Variants in RYR2 observed in about 807,000 individuals in gnomAD.
RYR2 encodes the protein cardiac muscle ryanodine receptor-calcium release channel.
In RYR2, 227 loss-of-function variants were observed where a neutral mutation model predicts 601.1. The observed-to-expected ratio is 0.38, with a 90% CI of 0.34 to 0.42. The LOEUF (loss-of-function observed/expected upper bound fraction) is 0.42, where lower values mean the gene tolerates loss of function less well. Among genes scored for constraint, RYR2 ranks in the 10% least tolerant of loss-of-function variants. The pLI, the probability that RYR2 is intolerant of heterozygous loss-of-function variation, is 1.00. For synonymous variants in RYR2, 2,223 were observed against 2,175.1 expected, an observed-to-expected ratio of 1.02 and a Z score of -0.61; for missense variants, 4,646 against 6,156.5, an observed-to-expected ratio of 0.75 and a Z score of 8.21.
intron 25 of RYR2, among the ~76,000 whole-genome samples, chr1:237,534,808 C>T (rs1668440282): frequency 6.6e-6 from 1 of 151,830 alleles, no homozygotes; most frequent in Non-Finnish European, 1.5e-5. Flanking sequence ...TTTTAAAAAG[C>T]TTTTTAATAT....
chr1:237,645,872 T>A (rs1326627263), intron 48 of RYR2, among the ~76,000 whole-genome samples: 1 of 151,766 alleles, frequency 6.6e-6, no homozygotes, highest in African/African-American at 2.4e-5. Flanking sequence ...TCTCTGCTTT[T>A]TTTTTTTTGC....
At chr1:237,431,686 A>G (rs1251020582) in intron 12 of RYR2, among the ~76,000 whole-genome samples, 1 of 152,058 alleles carries the variant, frequency 6.6e-6, no homozygotes, top group Non-Finnish European at 1.5e-5. Flanking sequence ...AAGTTGTACT[A>G]TTTGGTCTAA....
chr1:237,367,283 A>G (rs549630567), intron 5 of RYR2, among the ~76,000 whole-genome samples: 3 of 151,992 alleles, frequency 2.0e-5, no homozygotes, highest in African/African-American at 7.2e-5. Flanking sequence ...TTTGTATTTT[A>G]GTTTCACAGT....
chr1:237,244,510 G>T (rs2096517726), intron 1 of RYR2, among the ~76,000 whole-genome samples: 1 of 152,086 alleles, frequency 6.6e-6, no homozygotes, highest in African/African-American at 2.4e-5. Context: ...TAAGATTAGG[G>T]TGGGGTGGCC....
At chr1:237,428,927 A>G (rs1706493223) in intron 12 of RYR2, among the ~76,000 whole-genome samples, 1 of 152,080 alleles carries the variant, frequency 6.6e-6, no homozygotes, top group African/African-American at 2.4e-5. Flanking sequence ...TCAGTTCATG[A>G]TACGCACACA....
chr1:237,451,596 A>AAAG (rs1658130060), intron 14 of RYR2, among the ~76,000 whole-genome samples: 1 of 151,552 alleles, frequency 6.6e-6, no homozygotes, highest in African/African-American at 2.4e-5. Flanking sequence ...AAAAAAAAAA[A>AAAG]AATTGAAGTC....
intron 16 of RYR2, among the ~76,000 whole-genome samples, chr1:237,458,705 A>G (rs1659123890): frequency 6.6e-6 from 1 of 151,646 alleles, no homozygotes; most frequent in African/African-American, 2.4e-5. Flanking sequence ...AGGAAAGCAT[A>G]CCTAAGTATA....
rs779818429 is a variant in RYR2 at position 237,530,484 on chromosome 1, G to A, written c.2880G>A (p.Lys960=). ...TATCAGATGAACATGCTGAAGACAA[G>A]GTGAAAAAAATGAAGCTACCCAAGA... ...VGISDEHAED[K]VKKMKLPKNY... Residue 960 remains lysine, a synonymous_variant, in exon 25 of 105, where the codon AAG becomes AAA. Transcript: ENST00000366574. 1.9e-6 allele frequency: 3 copies of A among 1,606,992 alleles called. No homozygotes were observed. In the South Asian group the frequency reaches 3.4e-5, roughly 18 times the overall value.
chr1:237,298,803 C>A (rs1693065143), intron 2 of RYR2, among the ~76,000 whole-genome samples: 2 of 151,892 alleles, frequency 1.3e-5, no homozygotes, highest in Non-Finnish European at 2.9e-5. Flanking sequence ...AGTTTGAGAC[C>A]AATCTGGGCA....
intron 84 of RYR2, among the ~76,000 whole-genome samples, chr1:237,761,715 G>GA (rs1558361559): frequency 6.6e-6 from 1 of 151,988 alleles, no homozygotes; most frequent in South Asian, 2.1e-4. Flanking sequence ...TATTTATTAA[G>GA]AAAAAAATCT....
intron 2 of RYR2, among the ~76,000 whole-genome samples, chr1:237,318,648 T>C (rs1171885820): frequency 1.3e-5 from 2 of 152,168 alleles, no homozygotes; most frequent in African/African-American, 4.8e-5. Flanking sequence ...CTGTCTTCTC[T>C]TTTGTCAGAT....
At chr1:237,258,615 A>G (rs1210479313) in intron 1 of RYR2, among the ~76,000 whole-genome samples, 1 of 152,216 alleles carries the variant, frequency 6.6e-6, no homozygotes, top group Non-Finnish European at 1.5e-5. Context: ...ACATTTAAGA[A>G]AAGTGTTCAA....
intron 25 of RYR2, among the ~76,000 whole-genome samples, chr1:237,540,960 G>T (rs1025862098): frequency 6.6e-6 from 1 of 151,850 alleles, no homozygotes; most frequent in East Asian, 1.9e-4. Context: ...CATTTAAAAT[G>T]ACTTTCTGAA....
intron 1 of RYR2, among the ~76,000 whole-genome samples, chr1:237,166,231 T>C (rs1416983327): frequency 6.6e-6 from 1 of 152,184 alleles, no homozygotes; most frequent in Non-Finnish European, 1.5e-5. Context: ...AACACCTGGG[T>C]ACCTTGCCAA....
chr1:237,147,787 CAG>C (rs1674183971), intron 1 of RYR2, among the ~76,000 whole-genome samples: 1 of 152,238 alleles, frequency 6.6e-6, no homozygotes, highest in African/African-American at 2.4e-5. Context: ...CTGTGGCTAT[CAG>C]AGAGTCACAA....
At chr1:237,290,934 C>T (rs141570616) in intron 2 of RYR2, among the ~76,000 whole-genome samples, 290 of 152,290 alleles carry the variant, frequency 1.9e-3, no homozygotes, top group African/African-American at 6.6e-3. Flanking sequence ...ATTAAAGCTG[C>T]ATTCAAATTC....
chr1:237,636,389 C>T lies in RYR2; in HGVS notation c.6792+1397C>T, dbSNP rs115823392. ...AGAGTGAAACTCTTCCCCAAATCCT[C>T]CTGACATACCAGTCCAGGATCATGA... On this transcript the variant is annotated intron_variant, in intron 44 of 104. Coordinates refer to ENST00000366574, the MANE Select transcript of RYR2 (RefSeq NM_001035.3). Among the ~76,000 whole-genome samples the T allele has an allele frequency of 4.0e-3, 609 of 152,224 alleles. 1 individual carries two copies. The highest frequency in any genetic ancestry group is 0.022 in the East Asian group (113 of 5,168).
intron 17 of RYR2, among the ~76,000 whole-genome samples, chr1:237,474,199 A>ATGTG (rs1196821377): frequency 9.3e-6 from 1 of 107,706 alleles, no homozygotes; most frequent in East Asian, 4.4e-4. Context: ...ACGTGTGTAT[A>ATGTG]TATGTGTGTG....
At chr1:237,412,608 T>C (rs12744635) in intron 10 of RYR2, among the ~76,000 whole-genome samples, 33,321 of 152,110 alleles carry the variant, frequency 0.22, 3,666 homozygotes, top group East Asian at 0.28. Context: ...TCAGTAGCTG[T>C]AACACTGTTT....
Sources: allele counts gnomAD v4.1 joint callset (sites outside exome capture counted in the v4.1 genomes callset), GRCh38; gene constraint gnomAD v4.1.1; transcripts MANE v1.5; gene names NCBI Gene and HGNC (gene_info 2026-07-23, HGNC 2026-07-21).